The following PTPRD variants were observed in gnomAD, a reference collection of about 807,000 sequenced individuals.
PTPRD encodes protein tyrosine phosphatase receptor type D.
In PTPRD, 34 loss-of-function variants were observed where a neutral mutation model predicts 214.5. The ratio of observed to expected loss-of-function variants is 0.16; its 90% CI spans 0.12 to 0.21. PTPRD has a LOEUF of 0.21. Ranked by LOEUF, PTPRD falls within the 10% of genes least tolerant of loss-of-function variation. PTPRD has a pLI of 1.00. For missense variants in PTPRD, 2,545 were observed against 2,398.7 expected, an observed-to-expected ratio of 1.06 and a Z score of -1.27; for synonymous variants, 1,128 against 845.7, an observed-to-expected ratio of 1.33 and a Z score of -5.79.
chr9:9,275,142 TATATA>T (rs1310318100), intron 9 of PTPRD, among the ~76,000 whole-genome samples: 44 of 66,646 alleles, frequency 6.6e-4, no homozygotes, highest in Middle Eastern at 7.0e-3. Context: ...ATATAATATA[TATATA>T]ATATATTATA....
At chr9:9,423,493 A>T (rs72702568) in intron 8 of PTPRD, among the ~76,000 whole-genome samples, 9,408 of 152,266 alleles carry the variant, frequency 0.062, 347 homozygotes, top group Middle Eastern at 0.17. Flanking sequence ...GATATTTTGT[A>T]TGACAACCTA....
chr9:9,104,358 G>A (rs551757055), intron 10 of PTPRD, among the ~76,000 whole-genome samples: 1 of 151,972 alleles, frequency 6.6e-6, no homozygotes, highest in Non-Finnish European at 1.5e-5. Flanking sequence ...TTAGAATATG[G>A]GCTCTATAAA....
chr9:10,541,054 A>G (rs1590400875), intron 2 of PTPRD, among the ~76,000 whole-genome samples: 1 of 152,232 alleles, frequency 6.6e-6, no homozygotes, highest in African/African-American at 2.4e-5. Context: ...GATACGCACT[A>G]CACATTGACC....
intron 31 of PTPRD, among the ~76,000 whole-genome samples, chr9:8,470,610 G>A (rs72692976): frequency 0.01 from 1,532 of 152,220 alleles, 16 homozygotes; most frequent in African/African-American, 0.028. Flanking sequence ...GCAACTTGGT[G>A]TTTGTGACAG....
intron 11 of PTPRD, among the ~76,000 whole-genome samples, chr9:8,826,273 T>C (rs558202419): frequency 6.0e-4 from 91 of 152,272 alleles, no homozygotes; most frequent in African/African-American, 1.9e-3. Flanking sequence ...CCTCCCAATC[T>C]ATTCCTTACA....
chr9:8,378,595 A>T (rs1467152394), intron 37 of PTPRD, among the ~76,000 whole-genome samples: 2 of 152,092 alleles, frequency 1.3e-5, no homozygotes, highest in Non-Finnish European at 2.9e-5. Flanking sequence ...AGAAACTCAA[A>T]TTCATCATTT....
chr9:9,220,662 T>C (rs947685416), intron 9 of PTPRD, among the ~76,000 whole-genome samples: 4 of 152,074 alleles, frequency 2.6e-5, no homozygotes, highest in Non-Finnish European at 5.9e-5. Context: ...AATTCAAATA[T>C]TGATGTAGTT....
chr9:9,392,020 A>T (rs940292395), intron 9 of PTPRD, among the ~76,000 whole-genome samples: 19 of 152,144 alleles, frequency 1.2e-4, no homozygotes, highest in Non-Finnish European at 2.9e-5. Flanking sequence ...AACAGAGAAA[A>T]TTTAGAGGTG....
At chr9:8,380,507 C>T (rs2084696127) in intron 37 of PTPRD, among the ~76,000 whole-genome samples, 1 of 152,112 alleles carries the variant, frequency 6.6e-6, no homozygotes, top group African/African-American at 2.4e-5. Context: ...TTGCGGGAGG[C>T]ATTTCTTTTC....
rs567733105 is a variant in PTPRD at position 8,986,861 on chromosome 9, C to T, written c.-104+31836G>A. ...TCTTGCAGTTATTGAAGTTTTTTTT[C>T]AGTCATCATTATTTGGTGTTTGAAA... On this transcript the variant is annotated intron_variant, in intron 11 of 45. Coordinates refer to ENST00000381196, the MANE Select transcript of PTPRD (RefSeq NM_002839.4). Among the ~76,000 whole-genome samples the T allele has an allele frequency of 2.1e-4, 32 of 152,048 alleles. 1 individual carries two copies. In the South Asian group the frequency reaches 6.4e-3, roughly 31 times the overall value.
chr9:9,529,497 T>C (rs1209235716), intron 8 of PTPRD, among the ~76,000 whole-genome samples: 1 of 152,142 alleles, frequency 6.6e-6, no homozygotes, highest in Non-Finnish European at 1.5e-5. Context: ...AATGAAGTTA[T>C]ATGAATGGAA....
intron 12 of PTPRD, among the ~76,000 whole-genome samples, chr9:8,726,026 G>GACACACACACACACACAC (rs71500962): frequency 7.2e-6 from 1 of 139,512 alleles, no homozygotes; most frequent in African/African-American, 2.8e-5. Flanking sequence ...CAGACAGACA[G>GACACACACACACACACAC]ACACACACAC....
chr9:10,507,901 T>A (rs1187107382), intron 2 of PTPRD, among the ~76,000 whole-genome samples: 4 of 152,326 alleles, frequency 2.6e-5, no homozygotes, highest in South Asian at 4.1e-4. Flanking sequence ...AAGGACTTCA[T>A]GTCTAAAACA....
chr9:9,466,219 G>A (rs1055560097), intron 8 of PTPRD, among the ~76,000 whole-genome samples: 2 of 152,062 alleles, frequency 1.3e-5, no homozygotes, highest in African/African-American at 2.4e-5. Context: ...TGAGGTGGGA[G>A]GATTGCTTGG....
intron 4 of PTPRD, among the ~76,000 whole-genome samples, chr9:9,981,354 A>ATTCTT (rs36081416): frequency 0.5 from 68,357 of 137,862 alleles, 20,932 homozygotes; most frequent in Middle Eastern, 0.74. Context: ...ACATTAAACA[A>ATTCTT]TTTTTTTTTT....
chr9:8,961,513 C>G (rs2099158676), intron 11 of PTPRD, among the ~76,000 whole-genome samples: 1 of 152,094 alleles, frequency 6.6e-6, no homozygotes, highest in Admixed American at 6.6e-5. Context: ...CTCTAGTAGT[C>G]AACAGTGAGC....
intron 3 of PTPRD, among the ~76,000 whole-genome samples, chr9:10,119,202 C>G (rs528958674): frequency 9.2e-5 from 14 of 152,006 alleles, no homozygotes; most frequent in African/African-American, 2.4e-4. Context: ...GCTAACCCCC[C>G]CTTTTTTAAC....
intron 14 of PTPRD, among the ~76,000 whole-genome samples, chr9:8,577,811 C>G (rs2092612703): frequency 6.6e-6 from 1 of 152,152 alleles, no homozygotes; most frequent in African/African-American, 2.4e-5. Flanking sequence ...GGGCCCTACT[C>G]AAGACCCGCT....
At chr9:9,037,935 C>G (rs1187373327) in intron 10 of PTPRD, among the ~76,000 whole-genome samples, 1 of 152,156 alleles carries the variant, frequency 6.6e-6, no homozygotes, top group Non-Finnish European at 1.5e-5. Context: ...AGCCATGCAA[C>G]TCTGGGAAAA....
Sources: allele counts gnomAD v4.1 joint callset (sites outside exome capture counted in the v4.1 genomes callset), GRCh38; gene constraint gnomAD v4.1.1; transcripts MANE v1.5; gene names NCBI Gene and HGNC (gene_info 2026-07-23, HGNC 2026-07-21).